The following CHRNA5 variants were observed in gnomAD, a reference collection of about 807,000 sequenced individuals.
CHRNA5 encodes the protein neuronal acetylcholine receptor subunit alpha-5.
Under a neutral mutation model 41.2 loss-of-function variants are expected in CHRNA5, and 28 were observed. The observed-to-expected ratio is 0.68, with a 90% CI of 0.50 to 0.93. The LOEUF is 0.93. CHRNA5 is among the 40% of genes least tolerant of loss of function. The pLI, the probability that CHRNA5 is intolerant of heterozygous loss-of-function variation, is 0.00. For synonymous variants in CHRNA5, 188 were observed against 205.8 expected, an observed-to-expected ratio of 0.91 and a Z score of 0.74; for missense variants, 481 against 581.9, an observed-to-expected ratio of 0.83 and a Z score of 1.78.
intron 2 of CHRNA5, among the ~76,000 whole-genome samples, chr15:78,586,168 G>A (rs893242191): frequency 2.0e-5 from 3 of 151,472 alleles, no homozygotes; most frequent in Non-Finnish European, 4.4e-5. Context: ...ATGACTGTAA[G>A]AGATGTCCCT....
chr15:78,568,371 AC>A (rs1271273679), intron 1 of CHRNA5, among the ~76,000 whole-genome samples: 3 of 152,214 alleles, frequency 2.0e-5, no homozygotes, highest in Non-Finnish European at 2.9e-5. Flanking sequence ...GTCATTAACT[AC>A]CTAACTAGTT....
At chr15:78,578,079 C>T (rs2141407382) in intron 1 of CHRNA5, among the ~76,000 whole-genome samples, 1 of 152,222 alleles carries the variant, frequency 6.6e-6, no homozygotes, top group African/African-American at 2.4e-5. Context: ...GGCTTTTAAA[C>T]ATTAAGAATG....
At chr15:78,568,130 T>G (rs2052766495) in intron 1 of CHRNA5, among the ~76,000 whole-genome samples, 1 of 152,256 alleles carries the variant, frequency 6.6e-6, no homozygotes, top group Non-Finnish European at 1.5e-5. Context: ...CGTCTTAGGT[T>G]CTTAATAGTA....
exon 6 of CHRNA5, chr15:78,593,182 C>G: frequency 1.2e-6 from 2 of 1,613,654 alleles, no homozygotes; most frequent in Non-Finnish European, 1.7e-6. Context: ...ATCTCTTGGG[C>G]TTTTTGTTCC....
intron 1 of CHRNA5, among the ~76,000 whole-genome samples, chr15:78,574,927 C>G (rs1042521357): frequency 6.8e-6 from 1 of 148,006 alleles, no homozygotes; most frequent in South Asian, 2.1e-4. Context: ...GAGCCAAGAT[C>G]GTGCCACTGT....
At chr15:78,569,063 C>G (rs575040915) in intron 1 of CHRNA5, among the ~76,000 whole-genome samples, 1 of 152,164 alleles carries the variant, frequency 6.6e-6, no homozygotes, top group African/African-American at 2.4e-5. Flanking sequence ...ACTTTATACA[C>G]AATTTAATTT....
At chr15:78,589,807 C>T in exon 5 of CHRNA5, 2 of 1,567,938 alleles carry the variant, frequency 1.3e-6, no homozygotes, top group Non-Finnish European at 1.7e-6. Flanking sequence ...TATTTTAGTG[C>T]AGATGGACGT....
chr15:78,570,694 G>A (rs2052796531), intron 1 of CHRNA5, among the ~76,000 whole-genome samples: 1 of 152,042 alleles, frequency 6.6e-6, no homozygotes, highest in Admixed American at 6.6e-5. Context: ...CAAAAAAGGT[G>A]ATATGAACTT....
chr15:78,579,916 T>G (rs1247058613), intron 1 of CHRNA5, among the ~76,000 whole-genome samples: 1 of 152,204 alleles, frequency 6.6e-6, no homozygotes, highest in African/African-American at 2.4e-5. Context: ...AATGTATAGT[T>G]TTATACAAAT....
At chr15:78,573,646 C>A (rs773660327) in intron 1 of CHRNA5, among the ~76,000 whole-genome samples, 3 of 152,164 alleles carry the variant, frequency 2.0e-5, no homozygotes, top group Non-Finnish European at 4.4e-5. Flanking sequence ...CTGTTTTTAT[C>A]TGCAGGTTGG....
intron 2 of CHRNA5, among the ~76,000 whole-genome samples, chr15:78,584,185 A>C (rs984249442): frequency 1.3e-5 from 2 of 152,120 alleles, no homozygotes; most frequent in African/African-American, 4.8e-5. Flanking sequence ...ATTGTGTCTG[A>C]GATGTTTTAG....
At chr15:78,583,774 G>A (rs1390563786) in intron 2 of CHRNA5, among the ~76,000 whole-genome samples, 1 of 152,108 alleles carries the variant, frequency 6.6e-6, no homozygotes. Context: ...TGTGGTTTGA[G>A]GTGTTAATTC....
At chr15:78,586,078 G>A (rs756590279) in intron 2 of CHRNA5, among the ~76,000 whole-genome samples, 6 of 152,078 alleles carry the variant, frequency 3.9e-5, no homozygotes, top group Non-Finnish European at 8.8e-5. Context: ...ATAGGCATAA[G>A]CCACTGCGCC....
chr15:78,566,503 A>T (rs988685934), intron 1 of CHRNA5, among the ~76,000 whole-genome samples: 1 of 152,206 alleles, frequency 6.6e-6, no homozygotes, highest in South Asian at 2.1e-4. Context: ...AGTGCTTGGG[A>T]AAGTTTTAGA....
At chr15:78,594,039 CAAAT>C (rs1483928781) in exon 6 of CHRNA5, 1 of 152,098 alleles carries the variant, frequency 6.6e-6, no homozygotes. Flanking sequence ...AACTCAGTCT[CAAAT>C]AATAATAATA....
exon 5 of CHRNA5, chr15:78,590,238 T>G: frequency 6.2e-7 from 1 of 1,614,074 alleles, no homozygotes; most frequent in Non-Finnish European, 8.5e-7. Context: ...TGAAAAGATT[T>G]GTCTCTGCAC....
intron 4 of CHRNA5, 24 bp from the exon 5 acceptor site, chr15:78,589,781 T>A (rs2052993218): frequency 6.7e-7 from 1 of 1,494,050 alleles, no homozygotes. Flanking sequence ...TTCTGCATTG[T>A]TATTTTATAT....
chr15:78,573,871 A>G (rs1320818293), intron 1 of CHRNA5, among the ~76,000 whole-genome samples: 2 of 150,462 alleles, frequency 1.3e-5, no homozygotes, highest in African/African-American at 4.9e-5. Context: ...GCTCACTGCA[A>G]CCTCCACCTC....
In CHRNA5 at chr15:78,580,968, T is replaced by G. The variant is rs901383530; in HGVS notation, c.258+6T>G. ...TATCTCAATTGGTGGATGTGGTAGG[T>G]GTGCATATCCTTCTATAGTCAATTT... On this transcript the variant is annotated splice_donor_region_variant and intron_variant, in intron 2 of 5. Transcript: ENST00000299565. The G allele has an allele frequency of 5.0e-6, 8 of 1,610,856 alleles. No homozygotes were observed. In the African/African-American group the frequency reaches 8.0e-5, roughly 16 times the overall value.
Sources: allele counts gnomAD v4.1 joint callset (sites outside exome capture counted in the v4.1 genomes callset), GRCh38; gene constraint gnomAD v4.1.1; transcripts MANE v1.5; gene names NCBI Gene and HGNC (gene_info 2026-07-23, HGNC 2026-07-21).